The following CLVS1 variants were observed in gnomAD, a reference collection of about 807,000 sequenced individuals.
CLVS1 encodes clavesin-1.
Under a neutral mutation model 33.1 loss-of-function variants are expected in CLVS1, and 10 were observed. That is an observed-to-expected ratio of 0.30 (90% CI 0.19 to 0.51). The LOEUF is 0.51. Among genes scored for constraint, CLVS1 ranks in the 20% least tolerant of loss-of-function variants. The pLI is 0.97. For synonymous variants in CLVS1, 163 were observed against 166.1 expected (o/e 0.98, Z 0.14); for missense variants, 343 against 433.4 (o/e 0.79, Z 1.85).
chr8:61,376,065 G>A (rs76772375), intron 2 of CLVS1, among the ~76,000 whole-genome samples: 4,305 of 152,246 alleles, frequency 0.028, 69 homozygotes, highest in Middle Eastern at 0.068. Flanking sequence ...CTATCCAAGA[G>A]TTGAAGCTAA....
chr8:61,164,651 A>G (rs890670523), intron 2 of CLVS1, among the ~76,000 whole-genome samples: 3 of 152,112 alleles, frequency 2.0e-5, no homozygotes, highest in Non-Finnish European at 4.4e-5. Context: ...CCTGAGCCCT[A>G]TGCAAATCAG....
intron 2 of CLVS1, among the ~76,000 whole-genome samples, chr8:61,342,395 T>C (rs1426482139): frequency 6.6e-6 from 1 of 152,048 alleles, no homozygotes; most frequent in African/African-American, 2.4e-5. Context: ...AGCAAAGAAA[T>C]GGAATTCTGA....
chr8:61,334,523 G>A (rs2129597556), intron 2 of CLVS1, among the ~76,000 whole-genome samples: 1 of 152,292 alleles, frequency 6.6e-6, no homozygotes, highest in East Asian at 1.9e-4. Context: ...GCTGTTTTCA[G>A]GATCATAGGA....
chr8:61,080,196 C>A (rs562491438), intron 1 of CLVS1, among the ~76,000 whole-genome samples: 36 of 152,172 alleles, frequency 2.4e-4, no homozygotes, highest in Admixed American at 2.2e-3. Flanking sequence ...GCTTAAGGTG[C>A]ATAATTTATA....
At chr8:61,345,412 A>G (rs567629742) in intron 2 of CLVS1, among the ~76,000 whole-genome samples, 9 of 152,296 alleles carry the variant, frequency 5.9e-5, no homozygotes, top group African/African-American at 2.2e-4. Context: ...AGTGCAATGT[A>G]GTAGGACGCT....
intron 1 of CLVS1, among the ~76,000 whole-genome samples, chr8:61,079,623 T>C (rs1804985823): frequency 6.6e-6 from 1 of 152,200 alleles, no homozygotes; most frequent in Non-Finnish European, 1.5e-5. Flanking sequence ...GTGCCCTGCA[T>C]AGACTAACAG....
the CLVS1 span, among the ~76,000 whole-genome samples, chr8:60,978,224 C>G: frequency 6.6e-6 from 1 of 152,176 alleles, no homozygotes; most frequent in African/African-American, 2.4e-5. Context: ...AGAAAGAGCA[C>G]TGGCTAAGGT....
chr8:61,393,714 G>A (rs1814399560), intron 3 of CLVS1, among the ~76,000 whole-genome samples: 1 of 152,176 alleles, frequency 6.6e-6, no homozygotes. Context: ...CTAGGCTCCT[G>A]ACTGGTGCTG....
intron 5 of CLVS1, among the ~76,000 whole-genome samples, chr8:61,472,726 A>T (rs979405208): frequency 1.3e-5 from 2 of 152,188 alleles, no homozygotes; most frequent in Non-Finnish European, 2.9e-5. Flanking sequence ...ATAGAGGGCA[A>T]TTAAGAGAAC....
intron 1 of CLVS1, among the ~76,000 whole-genome samples, chr8:61,076,302 C>T (rs564550406): frequency 6.6e-6 from 1 of 152,200 alleles, no homozygotes; most frequent in African/African-American, 2.4e-5. Context: ...TTCAGTTACA[C>T]ATTGGTATGG....
chr8:61,026,417 A>G, the CLVS1 span, among the ~76,000 whole-genome samples: 2 of 152,212 alleles, frequency 1.3e-5, no homozygotes, highest in South Asian at 2.1e-4. Context: ...ACGCTTTGTT[A>G]TGGCAACCCC....
At chr8:61,009,900 G>A in the CLVS1 span, among the ~76,000 whole-genome samples, 14,350 of 152,158 alleles carry the variant, frequency 0.094, 1,091 homozygotes, top group East Asian at 0.36. Flanking sequence ...TATAAGAAAC[G>A]GCTTTGACCA....
the CLVS1 span, among the ~76,000 whole-genome samples, chr8:61,049,438 A>G: frequency 0.19 from 29,368 of 152,196 alleles, 3,834 homozygotes; most frequent in African/African-American, 0.37. Context: ...TACAGAGAGA[A>G]TGCATTTAGG....
At chr8:61,386,820 T>C (rs1269359020) in intron 3 of CLVS1, among the ~76,000 whole-genome samples, 1 of 151,926 alleles carries the variant, frequency 6.6e-6, no homozygotes, top group East Asian at 1.9e-4. Context: ...GCACTTAAAA[T>C]ACTTTCACAA....
At chr8:60,989,570 C>T in the CLVS1 span, among the ~76,000 whole-genome samples, 1 of 152,170 alleles carries the variant, frequency 6.6e-6, no homozygotes, top group South Asian at 2.1e-4. Context: ...AAGCTATGTG[C>T]TATTGCTCTA....
the CLVS1 span, among the ~76,000 whole-genome samples, chr8:61,041,803 T>C: frequency 6.6e-6 from 1 of 152,202 alleles, no homozygotes; most frequent in African/African-American, 2.4e-5. Context: ...GAGAATCATA[T>C]CATTAGTGAA....
chr8:61,234,763 C>G (rs977488031), intron 2 of CLVS1, among the ~76,000 whole-genome samples: 1 of 152,100 alleles, frequency 6.6e-6, no homozygotes, highest in Admixed American at 6.5e-5. Flanking sequence ...CTAAGTCTTT[C>G]CCAGCCTAGC....
chr8:61,346,874 C>T (rs1812240429), intron 2 of CLVS1, among the ~76,000 whole-genome samples: 4 of 152,190 alleles, frequency 2.6e-5, no homozygotes, highest in Admixed American at 2.6e-4. Flanking sequence ...TGCAGATCTA[C>T]TCTGAGGCAG....
chr8:61,083,227 T>C (rs919768815), intron 1 of CLVS1, among the ~76,000 whole-genome samples: 4 of 152,146 alleles, frequency 2.6e-5, no homozygotes, highest in Non-Finnish European at 5.9e-5. Context: ...CGTGCCACTC[T>C]CCTCTGCCTC....
Sources: allele counts gnomAD v4.1 joint callset (sites outside exome capture counted in the v4.1 genomes callset), GRCh38; gene constraint gnomAD v4.1.1; transcripts MANE v1.5; gene names NCBI Gene and HGNC (gene_info 2026-07-23, HGNC 2026-07-21).